The following GALNTL6 variants were observed in gnomAD, a reference collection of about 807,000 sequenced individuals.
GALNTL6 encodes the protein polypeptide N-acetylgalactosaminyltransferase like 6.
GALNTL6 carries 46 observed loss-of-function variants against 73.7 expected under a neutral mutation model. The ratio of observed to expected loss-of-function variants is 0.62; its 90% CI spans 0.49 to 0.80. The LOEUF (loss-of-function observed/expected upper bound fraction) is 0.80, where lower values mean the gene tolerates loss of function less well. GALNTL6 is among the 30% of genes least tolerant of loss of function. The pLI is 0.00. For synonymous variants in GALNTL6, 259 were observed against 263.7 expected (o/e 0.98, Z 0.17); for missense variants, 604 against 755.0 (o/e 0.80, Z 2.34).
chr4:172,268,280 G>A (rs1738517620), intron 3 of GALNTL6, among the ~76,000 whole-genome samples: 1 of 152,186 alleles, frequency 6.6e-6, no homozygotes, highest in Non-Finnish European at 1.5e-5. Flanking sequence ...TGGCATGCAG[G>A]AGGTTTATTA....
At chr4:172,498,167 T>G (rs1018789278) in intron 5 of GALNTL6, among the ~76,000 whole-genome samples, 1 of 152,004 alleles carries the variant, frequency 6.6e-6, no homozygotes. Flanking sequence ...ATTTTTGTAC[T>G]TTTAGTAGAG....
intron 2 of GALNTL6, among the ~76,000 whole-genome samples, chr4:171,925,910 T>A (rs754293542): frequency 1.3e-5 from 2 of 152,094 alleles, no homozygotes; most frequent in African/African-American, 2.4e-5. Flanking sequence ...TTTTTTAAAA[T>A]ACACTTCCAG....
At chr4:172,814,403 G>A (rs1741486078) in intron 7 of GALNTL6, among the ~76,000 whole-genome samples, 1 of 152,132 alleles carries the variant, frequency 6.6e-6, no homozygotes, top group African/African-American at 2.4e-5. Context: ...GAAAAAATAT[G>A]TATAGTTTAG....
intron 5 of GALNTL6, among the ~76,000 whole-genome samples, chr4:172,674,564 A>G (rs1021147487): frequency 4.6e-5 from 7 of 152,130 alleles, no homozygotes; most frequent in Non-Finnish European, 1.0e-4. Flanking sequence ...ATGTTTTCCA[A>G]GTTGGTTCCA....
intron 5 of GALNTL6, among the ~76,000 whole-genome samples, chr4:172,601,387 A>G (rs550553619): frequency 6.6e-6 from 1 of 152,294 alleles, no homozygotes; most frequent in African/African-American, 2.4e-5. Context: ...AATGGGGCAG[A>G]TCACTCATCC....
chr4:172,079,040 C>T (rs1731796551), intron 2 of GALNTL6, among the ~76,000 whole-genome samples: 1 of 151,974 alleles, frequency 6.6e-6, no homozygotes, highest in Admixed American at 6.6e-5. Flanking sequence ...TGTATGCATG[C>T]AAATATATAG....
chr4:172,841,805 A>G (rs1743226870), intron 7 of GALNTL6, among the ~76,000 whole-genome samples: 1 of 152,186 alleles, frequency 6.6e-6, no homozygotes, highest in Admixed American at 6.5e-5. Context: ...TTGGATGGGG[A>G]CACAAAGCCT....
intron 8 of GALNTL6, among the ~76,000 whole-genome samples, chr4:172,892,677 A>G (rs1746101106): frequency 6.8e-6 from 1 of 147,584 alleles, no homozygotes; most frequent in South Asian, 2.1e-4. Context: ...ACTGCTGCAT[A>G]TGCCATATGC....
At chr4:172,531,279 T>G (rs553878587) in intron 5 of GALNTL6, among the ~76,000 whole-genome samples, 6 of 152,276 alleles carry the variant, frequency 3.9e-5, no homozygotes, top group South Asian at 2.1e-4. Context: ...TGAAAAGGCT[T>G]AAAACAATTT....
chr4:172,726,991 GA>G (rs1735854610), intron 5 of GALNTL6, among the ~76,000 whole-genome samples: 1 of 152,142 alleles, frequency 6.6e-6, no homozygotes, highest in Non-Finnish European at 1.5e-5. Context: ...TCTCAAAGGC[GA>G]AAGACATCCC....
At chr4:172,878,078 T>C (rs1423530488) in intron 7 of GALNTL6, among the ~76,000 whole-genome samples, 1 of 151,984 alleles carries the variant, frequency 6.6e-6, no homozygotes, top group East Asian at 1.9e-4. Flanking sequence ...TGGTAGAACA[T>C]GCTCAAAATA....
chr4:171,920,419 A>G (rs1737752967), intron 2 of GALNTL6, among the ~76,000 whole-genome samples: 1 of 152,124 alleles, frequency 6.6e-6, no homozygotes, highest in Non-Finnish European at 1.5e-5. Context: ...CAGTTTAGGG[A>G]TGGCAGGGAA....
intron 5 of GALNTL6, among the ~76,000 whole-genome samples, chr4:172,433,700 AT>A (rs1554023654): frequency 2.3e-4 from 33 of 145,816 alleles, no homozygotes; most frequent in East Asian, 1.4e-3. Flanking sequence ...TTGCCCAGTG[AT>A]TTTTTTTTTC....
intron 2 of GALNTL6, among the ~76,000 whole-genome samples, chr4:172,042,573 C>A (rs17057990): frequency 6.6e-6 from 1 of 151,932 alleles, no homozygotes; most frequent in Non-Finnish European, 1.5e-5. Flanking sequence ...GCATATGGCA[C>A]CCCGTCTATT....
At chr4:172,309,989 ATAAGGATGAACCTGAAAAT>A (rs1361504477) in intron 3 of GALNTL6, among the ~76,000 whole-genome samples, 1 of 152,160 alleles carries the variant, frequency 6.6e-6, no homozygotes, top group Non-Finnish European at 1.5e-5. Flanking sequence ...TATCAATTAT[ATAAGGATGAACCTGAAAAT>A]CTAATGTAAT....
intron 10 of GALNTL6, among the ~76,000 whole-genome samples, chr4:172,996,090 G>C (rs1435965515): frequency 6.6e-6 from 1 of 151,972 alleles, no homozygotes; most frequent in Non-Finnish European, 1.5e-5. Context: ...GTTCATTGCA[G>C]CACTATTCAC....
rs186138852 is a variant in GALNTL6 at position 172,680,172 on chromosome 4, A to G, written c.554-129189A>G. ...GCCAGAATCAGGACTGAGTTTTTCC[A>G]TGTTTTAAGCTTCAATATTTCTATG... On this transcript the variant is annotated intron_variant, in intron 5 of 12. Coordinates refer to ENST00000506823, the MANE Select transcript of GALNTL6 (RefSeq NM_001034845.3). Among the ~76,000 whole-genome samples the G allele has an allele frequency of 3.1e-3, 479 of 152,306 alleles. 1 individual carries two copies. Among genetic ancestry groups the G allele is most frequent in the Non-Finnish European group, 5.9e-3 (398 of 68,026 alleles).
chr4:172,284,798 G>A (rs1224861616), intron 3 of GALNTL6, among the ~76,000 whole-genome samples: 3 of 152,090 alleles, frequency 2.0e-5, no homozygotes, highest in Non-Finnish European at 4.4e-5. Context: ...GCTGGCTGTG[G>A]ATATGTGGCT....
intron 5 of GALNTL6, among the ~76,000 whole-genome samples, chr4:172,805,727 T>A (rs745318970): frequency 6.6e-5 from 10 of 152,170 alleles, no homozygotes; most frequent in Non-Finnish European, 1.0e-4. Context: ...AATAGAAAAT[T>A]ATATTTAAAA....
Sources: gnomAD v4.1 joint callset for allele counts (sites outside exome capture counted in the v4.1 genomes callset) on GRCh38, gnomAD v4.1.1 for gene constraint, MANE v1.5 for transcripts, NCBI Gene and HGNC (gene_info 2026-07-23, HGNC 2026-07-21) for gene names.